Variants in OCA2 observed in about 807,000 individuals in gnomAD.
The protein encoded by OCA2 is P protein.
OCA2 carries 77 observed loss-of-function variants against 100.2 expected under a neutral mutation model. The observed-to-expected ratio is 0.77, with a 90% CI of 0.64 to 0.93. The LOEUF is 0.93. OCA2 is among the 40% of genes least tolerant of loss of function. The pLI, the probability that OCA2 is intolerant of heterozygous loss-of-function variation, is 0.00. For missense variants in OCA2, 1,062 were observed against 1,089.1 expected, an observed-to-expected ratio of 0.98 and a Z score of 0.35; for synonymous variants, 432 against 439.2, an observed-to-expected ratio of 0.98 and a Z score of 0.21.
chr15:27,911,535 CAT>C (rs1467538979), intron 19 of OCA2, among the ~76,000 whole-genome samples: 4 of 152,202 alleles, frequency 2.6e-5, no homozygotes, highest in African/African-American at 9.7e-5. Context: ...TGCTTCCCCT[CAT>C]AGTGGAAAGC....
intron 18 of OCA2, among the ~76,000 whole-genome samples, chr15:27,934,882 A>T (rs531702190): frequency 6.6e-6 from 1 of 152,142 alleles, no homozygotes; most frequent in South Asian, 2.1e-4. Context: ...ATTCCCTCTT[A>T]CTTTTAATCG....
In OCA2 at chr15:27,936,877, C is replaced by T. The variant is rs541670219; in HGVS notation, c.1952-10623G>A. On this transcript the variant is annotated intron_variant, in intron 18 of 23. Coordinates refer to ENST00000354638, the MANE Select transcript of OCA2 (RefSeq NM_000275.3). ...TCTGGCTTAGGAAATGCCTCAATTA[C>T]ATCAAGTGAGTCATTTAAAAGAGTT... 2.6e-5 allele frequency among the ~76,000 whole-genome samples: 4 copies of T among 152,284 alleles called. No homozygotes were observed. In the South Asian group the frequency reaches 8.3e-4, roughly 32 times the overall value.
At chr15:27,953,550 C>T (rs1032653504) in intron 17 of OCA2, among the ~76,000 whole-genome samples, 2 of 152,206 alleles carry the variant, frequency 1.3e-5, no homozygotes, top group Non-Finnish European at 2.9e-5. Context: ...TGAGGGGAGG[C>T]ACTGCAAACC....
chr15:27,984,256 A>G (rs1022066903), intron 13 of OCA2, among the ~76,000 whole-genome samples: 2 of 151,944 alleles, frequency 1.3e-5, no homozygotes, highest in Non-Finnish European at 2.9e-5. Context: ...GGAATCTGGG[A>G]GTCCTACAAC....
intron 23 of OCA2, among the ~76,000 whole-genome samples, chr15:27,812,736 A>G (rs1200875285): frequency 6.6e-6 from 1 of 152,164 alleles, no homozygotes; most frequent in Non-Finnish European, 1.5e-5. Flanking sequence ...TTAAAGGGAG[A>G]AACATGTGAT....
At chr15:27,996,611 T>C (rs1178839651) in intron 9 of OCA2, among the ~76,000 whole-genome samples, 2 of 150,758 alleles carry the variant, frequency 1.3e-5, no homozygotes, top group Non-Finnish European at 3.0e-5. Context: ...AAAAGAGCAC[T>C]CACATAAATA....
chr15:27,970,187 G>A (rs1213280629), intron 14 of OCA2, among the ~76,000 whole-genome samples: 1 of 152,030 alleles, frequency 6.6e-6, no homozygotes, highest in Non-Finnish European at 1.5e-5. Flanking sequence ...GCAAGCCACG[G>A]AGGGGATGAG....
At chr15:27,772,126 T>A (rs1270499460) in intron 23 of OCA2, among the ~76,000 whole-genome samples, 2 of 152,228 alleles carry the variant, frequency 1.3e-5, no homozygotes, top group Admixed American at 1.3e-4. Flanking sequence ...AGCCCTGGAA[T>A]GGGAGGTGAG....
At chr15:27,910,643 T>C (rs1433107219) in intron 19 of OCA2, among the ~76,000 whole-genome samples, 1 of 146,708 alleles carries the variant, frequency 6.8e-6, no homozygotes, top group Non-Finnish European at 1.5e-5. Flanking sequence ...AACAGTTGTA[T>C]GTGCTTATTT....
chr15:27,728,930 G>T, the OCA2 span, among the ~76,000 whole-genome samples: 3 of 152,058 alleles, frequency 2.0e-5, no homozygotes, highest in African/African-American at 7.2e-5. Flanking sequence ...TTTTTCAAAC[G>T]ATCAAGTCCT....
intron 14 of OCA2, among the ~76,000 whole-genome samples, chr15:27,968,737 C>A (rs1033080022): frequency 6.6e-6 from 1 of 152,124 alleles, no homozygotes; most frequent in Non-Finnish European, 1.5e-5. Context: ...AACAGCATTA[C>A]AAATGACAGG....
chr15:27,829,636 A>G (rs967291914), intron 23 of OCA2, among the ~76,000 whole-genome samples: 2 of 152,206 alleles, frequency 1.3e-5, no homozygotes, highest in African/African-American at 2.4e-5. Context: ...GCTGTGGCCA[A>G]CATGGCCTTT....
At chr15:27,788,148 G>T (rs2032907078) in intron 23 of OCA2, among the ~76,000 whole-genome samples, 1 of 151,202 alleles carries the variant, frequency 6.6e-6, no homozygotes, top group Non-Finnish European at 1.5e-5. Flanking sequence ...CTAGCTTATG[G>T]TCTATCCTGA....
chr15:27,767,810 A>C (rs1185245827), intron 23 of OCA2, among the ~76,000 whole-genome samples: 1 of 152,190 alleles, frequency 6.6e-6, no homozygotes, highest in Non-Finnish European at 1.5e-5. Context: ...CAGCAGAGGC[A>C]ACCTACTGAG....
the OCA2 span, among the ~76,000 whole-genome samples, chr15:27,730,051 G>A: frequency 6.6e-6 from 1 of 152,052 alleles, no homozygotes; most frequent in African/African-American, 2.4e-5. Flanking sequence ...GACCTCACAG[G>A]TTAAGGACTC....
chr15:27,724,580 CT>C, the OCA2 span, among the ~76,000 whole-genome samples: 1 of 152,132 alleles, frequency 6.6e-6, no homozygotes, highest in Non-Finnish European at 1.5e-5. Context: ...CAGCAGGCCC[CT>C]GACCCCAGGG....
intron 19 of OCA2, among the ~76,000 whole-genome samples, chr15:27,872,982 G>C (rs2036644406): frequency 6.6e-6 from 1 of 152,228 alleles, no homozygotes; most frequent in South Asian, 2.1e-4. Context: ...GAGCCAACGT[G>C]CCGGCCAGCT....
chr15:27,729,455 A>C, the OCA2 span, among the ~76,000 whole-genome samples: 1 of 152,170 alleles, frequency 6.6e-6, no homozygotes, highest in Non-Finnish European at 1.5e-5. Context: ...AAAAATATGT[A>C]TTAGCCTTCT....
intron 23 of OCA2, among the ~76,000 whole-genome samples, chr15:27,839,896 G>A (rs1366942419): frequency 1.3e-5 from 2 of 152,126 alleles, no homozygotes; most frequent in Admixed American, 1.3e-4. Flanking sequence ...CCAGAGGTAA[G>A]TTCCATCAAA....
Sources: allele counts gnomAD v4.1 joint callset (sites outside exome capture counted in the v4.1 genomes callset), GRCh38; gene constraint gnomAD v4.1.1; transcripts MANE v1.5; gene names NCBI Gene and HGNC (gene_info 2026-07-23, HGNC 2026-07-21).